DYM: variants seen among roughly 807,000 people sequenced by gnomAD.
The protein encoded by DYM is dymeclin.
A neutral mutation model predicts 93.1 loss-of-function variants in DYM; 78 were observed. The observed-to-expected ratio is 0.84, with a 90% CI of 0.70 to 1.01. DYM has a LOEUF of 1.01. Among genes scored for constraint, DYM ranks in the 50% least tolerant of loss-of-function variants. The pLI, the probability that DYM is intolerant of heterozygous loss-of-function variation, is 0.00. For missense variants in DYM, 789 were observed against 845.0 expected (o/e 0.93, Z 0.82); for synonymous variants, 321 against 319.7 (o/e 1.00, Z -0.04).
At chr18:49,297,434 G>A (rs1158590549) in intron 8 of DYM, among the ~76,000 whole-genome samples, 2 of 152,156 alleles carry the variant, frequency 1.3e-5, no homozygotes, top group Admixed American at 6.5e-5. Flanking sequence ...GAGTGAAGAT[G>A]AGAGTATTGG....
At chr18:49,355,649 C>T (rs956789245) in intron 6 of DYM, among the ~76,000 whole-genome samples, 14 of 152,200 alleles carry the variant, frequency 9.2e-5, no homozygotes, top group Admixed American at 5.2e-4. Flanking sequence ...GGGACACTGA[C>T]GGTGCAGAAG....
intron 10 of DYM, among the ~76,000 whole-genome samples, chr18:49,273,392 A>G (rs1462369114): frequency 1.3e-5 from 2 of 152,148 alleles, no homozygotes; most frequent in African/African-American, 4.8e-5. Flanking sequence ...CACATTCCAC[A>G]TTACCTAGTA....
intron 6 of DYM, among the ~76,000 whole-genome samples, chr18:49,354,430 C>G (rs1258986381): frequency 6.6e-6 from 1 of 151,898 alleles, no homozygotes; most frequent in African/African-American, 2.4e-5. Flanking sequence ...AAAAAAATAA[C>G]TGAGAGCAAG....
intron 17 of DYM, among the ~76,000 whole-genome samples, chr18:49,084,615 G>T (rs1191234202): frequency 1.3e-5 from 2 of 151,932 alleles, no homozygotes; most frequent in African/African-American, 4.8e-5. Context: ...CATTTATTTT[G>T]GGGAATTTTT....
chr18:49,258,866 A>AGAGG (rs2094443375), intron 11 of DYM, among the ~76,000 whole-genome samples: 1 of 128,592 alleles, frequency 7.8e-6, no homozygotes, highest in African/African-American at 2.6e-5. Context: ...AGAGAGAGAG[A>AGAGG]GAGAGAGAGA....
At chr18:49,209,785 TTATGTCC>T in intron 13 of DYM, 70 bp from the exon 14 acceptor site, 1 of 1,079,138 alleles carries the variant, frequency 9.3e-7, no homozygotes, top group Non-Finnish European at 1.2e-6. Flanking sequence ...AAATCATTTT[TTATGTCC>T]TCAAAGCTTT....
intron 15 of DYM, among the ~76,000 whole-genome samples, chr18:49,123,577 T>C (rs893112529): frequency 6.6e-6 from 1 of 152,242 alleles, no homozygotes; most frequent in African/African-American, 2.4e-5. Context: ...TCCCAACCAC[T>C]TCTCCTCCTT....
intron 17 of DYM, among the ~76,000 whole-genome samples, chr18:49,057,373 C>T (rs1361567542): frequency 6.6e-6 from 1 of 152,178 alleles, no homozygotes; most frequent in East Asian, 1.9e-4. Context: ...GTGGACACTG[C>T]TCAGGGGCTG....
chr18:49,305,483 A>C (rs1429707273), intron 8 of DYM, among the ~76,000 whole-genome samples: 2 of 152,174 alleles, frequency 1.3e-5, no homozygotes, highest in Non-Finnish European at 2.9e-5. Context: ...TTGTAACTGA[A>C]AGACAGAATC....
At chr18:49,364,287 A>G (rs978128789) in intron 5 of DYM, among the ~76,000 whole-genome samples, 4 of 152,148 alleles carry the variant, frequency 2.6e-5, no homozygotes, top group East Asian at 1.9e-4. Context: ...TCTAATAAAA[A>G]TACAAAAATT....
chr18:49,139,304 T>C (rs1600072597), intron 15 of DYM, among the ~76,000 whole-genome samples: 2 of 152,310 alleles, frequency 1.3e-5, no homozygotes, highest in South Asian at 4.1e-4. Flanking sequence ...GAACCATTTT[T>C]TCTATTTCCT....
intron 15 of DYM, among the ~76,000 whole-genome samples, chr18:49,145,804 T>C (rs1416413384): frequency 1.3e-5 from 2 of 152,186 alleles, no homozygotes; most frequent in Non-Finnish European, 2.9e-5. Flanking sequence ...TTTAATGTCC[T>C]TATATATATG....
chr18:49,404,466 C>A (rs1316099649), intron 2 of DYM, among the ~76,000 whole-genome samples: 1 of 152,016 alleles, frequency 6.6e-6, no homozygotes, highest in East Asian at 1.9e-4. Flanking sequence ...AAATGGTAAT[C>A]CTGTTTTAAG....
At chr18:49,172,548 T>C (rs1300788879) in intron 14 of DYM, among the ~76,000 whole-genome samples, 1 of 152,218 alleles carries the variant, frequency 6.6e-6, no homozygotes, top group African/African-American at 2.4e-5. Flanking sequence ...TCATATGTTG[T>C]CTTTGGTGAA....
chr18:49,411,623 G>A (rs1322604107), intron 2 of DYM, among the ~76,000 whole-genome samples: 1 of 152,136 alleles, frequency 6.6e-6, no homozygotes, highest in Non-Finnish European at 1.5e-5. Flanking sequence ...CAAAAAAATT[G>A]TTGGGGGAGA....
intron 11 of DYM, among the ~76,000 whole-genome samples, chr18:49,268,793 A>G (rs1238111738): frequency 1.3e-5 from 2 of 151,632 alleles, no homozygotes; most frequent in Non-Finnish European, 2.9e-5. Context: ...TTTAAAAATC[A>G]TATTTGTTTT....
chr18:49,270,178 G>A (rs770017483), intron 11 of DYM, among the ~76,000 whole-genome samples: 3 of 152,146 alleles, frequency 2.0e-5, no homozygotes, highest in South Asian at 2.1e-4. Flanking sequence ...TGATAAAATC[G>A]CCTAAGGACA....
chr18:49,190,224 AC>A (rs1320123084), intron 14 of DYM, among the ~76,000 whole-genome samples: 2 of 152,218 alleles, frequency 1.3e-5, no homozygotes, highest in Non-Finnish European at 2.9e-5. Context: ...TCCCAAACAC[AC>A]TTTTCTAACT....
chr18:49,045,730 G>A (rs972374582), intron 17 of DYM, among the ~76,000 whole-genome samples: 2 of 152,200 alleles, frequency 1.3e-5, no homozygotes, highest in African/African-American at 2.4e-5. Flanking sequence ...GCAGCCAGAC[G>A]AAGGGGAGGT....
Sources: gnomAD v4.1 joint callset for allele counts (sites outside exome capture counted in the v4.1 genomes callset) on GRCh38, gnomAD v4.1.1 for gene constraint, MANE v1.5 for transcripts, NCBI Gene and HGNC (gene_info 2026-07-23, HGNC 2026-07-21) for gene names.